Variants in ZNF891 observed in about 807,000 individuals in gnomAD.
ZNF891 encodes hCG1646157.
For synonymous variants in ZNF891, 199 were observed against 209.0 expected (o/e 0.95, Z 0.41); for missense variants, 589 against 632.7 (o/e 0.93, Z 0.74).
At position 133,118,658 on chromosome 12, in the gene ZNF891, TC is replaced by T. The variant is rs1441384921; in HGVS notation, c.*1625del. 2.0e-5 allele frequency: 3 copies of T among 152,206 alleles called. No individual in the cohort carries two copies. Among genetic ancestry groups the T allele is most frequent in the Admixed American group, 2.0e-4 (3 of 15,268 alleles). The allele number at this position is 152,206 out of a possible 1,614,324, so 9.4% of individuals were successfully genotyped here. ...TACTTAGCATTTAAAATTGGTAACT[TC>T]CCCTCTGTCTGAAAACTTTCTGTAG... On this transcript the variant is annotated 3_prime_UTR_variant, in exon 2 of 2. Coordinates refer to ENST00000537226, the MANE Select transcript of ZNF891 (RefSeq NM_001277291.2).
chr12:133,121,939 C>T lies in ZNF891; in HGVS notation c.-21G>A, dbSNP rs1229026081. ...GCCATTTTATGAGTACATAAGCCTGCACAGTAGAGTAGAGAGATCAGGATG... is the reference window on the plus strand; with the variant it reads ...GCCATTTTATGAGTACATAAGCCTGTACAGTAGAGTAGAGAGATCAGGATG... On this transcript the variant is annotated 5_prime_UTR_variant, in exon 2 of 2. Coordinates refer to ENST00000537226, the MANE Select transcript of ZNF891 (RefSeq NM_001277291.2). The T allele has an allele frequency of 1.3e-6, 2 of 1,515,666 alleles. No homozygotes were observed. Among genetic ancestry groups the T allele is most frequent in the Non-Finnish European group, 1.8e-6 (2 of 1,136,434 alleles). 93.9% of individuals were successfully genotyped at this position (1,515,666 alleles called of 1,614,324 possible).
In ZNF891 at chr12:133,118,288, C is replaced by T. The variant is rs2137615798; in HGVS notation, c.*1996G>A. The T allele has an allele frequency of 6.6e-6, 1 of 152,304 alleles. No homozygotes were observed. The highest frequency in any genetic ancestry group is 2.4e-5 in the African/African-American group (1 of 41,552). The allele number at this position is 152,304 out of a possible 1,614,324, so 9.4% of individuals were successfully genotyped here. ...TTGTTTGTCTTGGTTCAGTGAAACT[C>T]CACTCTTCTTGTTTTCCTCTTATCT... On this transcript the variant is annotated 3_prime_UTR_variant, in exon 2 of 2. Coordinates refer to ENST00000537226, the MANE Select transcript of ZNF891 (RefSeq NM_001277291.2).
Position 133,130,258 on chromosome 12 carries a change from G to C in ZNF891, c.-138C>G, listed in dbSNP as rs940901522. 6.6e-6 allele frequency: 1 copy of C among 152,484 alleles called. No homozygotes were observed. Among genetic ancestry groups the C allele is most frequent in the Non-Finnish European group, 1.5e-5 (1 of 68,266 alleles). 9.4% of individuals were successfully genotyped at this position (152,484 alleles called of 1,614,324 possible). A position where few individuals can be genotyped will look rare whatever the true frequency, so the allele number is the denominator to read the frequency against. On this transcript the variant is annotated 5_prime_UTR_variant, in exon 1 of 2. Coordinates refer to ENST00000537226, the MANE Select transcript of ZNF891 (RefSeq NM_001277291.2). ...TCAGTGCCTGCCTCCAGGCGTCCGC[G>C]GTCCCGCCCGAGGGGGACGCGAGGC...
At chr12:133,128,937 A>G (rs1955846209) in intron 1 of ZNF891, among the ~76,000 whole-genome samples, 1 of 152,080 alleles carries the variant, frequency 6.6e-6, no homozygotes, top group Non-Finnish European at 1.5e-5. Context: ...TACATTTTTG[A>G]AAAGACTATG....
rs1465201612 is a variant in ZNF891, at chr12:133,115,948, T to C, written c.*4336A>G. The C allele has an allele frequency of 2.0e-5, 3 of 152,190 alleles. No homozygotes were observed. The highest frequency in any genetic ancestry group is 2.9e-5 in the Non-Finnish European group (2 of 68,028). 9.4% of individuals were successfully genotyped at this position (152,190 alleles called of 1,614,324 possible). ...ACATCGGCGCACAAGGTTTCAGGTT[T>C]TGGAGCATTCTGAATTTCAGATTTT... On this transcript the variant is annotated 3_prime_UTR_variant, in exon 2 of 2. Transcript: ENST00000537226.
chr12:133,123,614 G>C (rs1156317790), intron 1 of ZNF891, among the ~76,000 whole-genome samples: 1 of 151,874 alleles, frequency 6.6e-6, no homozygotes, highest in Non-Finnish European at 1.5e-5. Flanking sequence ...AGGCTGAGAT[G>C]GGAGGATCAC....
At position 133,105,033 on chromosome 12, in the gene ZNF891, G is replaced by A. The variant is rs1265914619; in HGVS notation, c.*15251C>T. Among the ~76,000 whole-genome samples, 1 of 152,126 alleles carries A rather than the reference G, an allele frequency of 6.6e-6. No individual in the cohort carries two copies. Among genetic ancestry groups the A allele is most frequent in the Non-Finnish European group, 1.5e-5 (1 of 68,032 alleles). On this transcript the variant is annotated 3_prime_UTR_variant, in exon 2 of 2. Transcript: ENST00000537226. ...TACTAGTTCAGAAGGTAGAGTTGGAGGATCATAGGCAAGTTTTCAGAGAAA... is the reference window on the plus strand; with the variant it reads ...TACTAGTTCAGAAGGTAGAGTTGGAAGATCATAGGCAAGTTTTCAGAGAAA...
Position 133,121,233 on chromosome 12 carries a change from TTG to T in ZNF891, c.684_685del (p.His228GlnfsTer14). On this transcript the variant is annotated frameshift_variant, in exon 2 of 2. Transcript: ENST00000537226. LOFTEE classifies it low-confidence loss of function (END_TRUNC). ...TTTCACATAATTGTTTATGATTGAA[TTG>T]TGTTTCAAACATCCAATCTCTGAGT... The T allele has an allele frequency of 6.5e-7, 1 of 1,535,526 alleles. No individual in the cohort carries two copies. Among genetic ancestry groups the T allele is most frequent in the Non-Finnish European group, 8.7e-7 (1 of 1,146,744 alleles).
rs184188224 is a variant in ZNF891 at position 133,121,017 on chromosome 12, G to A, written c.902C>T (p.Thr301Met). ...CTTAAGGGATGATTGATGACACAGC[G>A]TTTCATCTTTATTACATTCACAGGC... ...QNACECNKDE[T>M]LCHQSSLKKQ... The change falls in exon 2 of 2, where the codon ACG (threonine) becomes ATG (methionine). Residue 301 changes from threonine to methionine, a missense_variant. By Grantham distance (81) the Thr-to-Met change is moderately conservative. Transcript: ENST00000537226. 371 of 1,535,606 alleles carry A rather than the reference G, an allele frequency of 2.4e-4. 5 individuals carry two copies. Among genetic ancestry groups the A allele is most frequent in the South Asian group, 2.4e-3 (198 of 84,062 alleles).
rs957364009 is a variant in ZNF891, at chr12:133,120,624, T to C, written c.1295A>G (p.Tyr432Cys). Reference sequence around the variant, plus strand: ...GGCTTTTCCACACTCACTGCATTCATAGAGTTTTTCTCCAGTGTGTATTCT... The same window carrying C: ...GGCTTTTCCACACTCACTGCATTCACAGAGTTTTTCTCCAGTGTGTATTCT... Reference protein sequence around the residue: ...HKRIHTGEKLYECSECGKAFN... With the variant: ...HKRIHTGEKLCECSECGKAFN... The change falls in exon 2 of 2, where the codon TAT becomes TGT. Residue 432 changes from tyrosine (Y) to cysteine (C), a missense_variant. Transcript: ENST00000537226. 1.4e-5 allele frequency: 22 copies of C among 1,560,380 alleles called. 1 individual carries two copies. In the African/African-American group the frequency reaches 1.8e-4, roughly 13 times the overall value.
At chr12:133,129,681 G>A (rs1473946547) in intron 1 of ZNF891, among the ~76,000 whole-genome samples, 1 of 152,094 alleles carries the variant, frequency 6.6e-6, no homozygotes, top group East Asian at 1.9e-4. Context: ...AATCTTGTTA[G>A]TATAACGGGC....
Position 133,106,242 on chromosome 12 carries a change from T to A in ZNF891, c.*14042A>T, listed in dbSNP as rs1955589059. 6.2e-7 allele frequency: 1 copy of A among 1,614,018 alleles called. No individual in the cohort carries two copies. The highest frequency in any genetic ancestry group is 1.7e-5 in the Admixed American group (1 of 60,002). ...TCACACCTTACTCGACATCAGAGCA[T>A]CCATACAACCAAAACCCCGTATGAA... On this transcript the variant is annotated 3_prime_UTR_variant, in exon 2 of 2. Coordinates refer to ENST00000537226, the MANE Select transcript of ZNF891 (RefSeq NM_001277291.2).
intron 1 of ZNF891, among the ~76,000 whole-genome samples, chr12:133,127,063 T>G (rs1307542732): frequency 6.8e-6 from 1 of 147,428 alleles, no homozygotes; most frequent in Non-Finnish European, 1.5e-5. Context: ...CTCCCGGGTT[T>G]AAGCAATTCT....
At position 133,105,981 on chromosome 12, in the gene ZNF891, A is replaced by G. The variant is rs1282219192; in HGVS notation, c.*14303T>C. The G allele has an allele frequency of 6.2e-7, 1 of 1,614,016 alleles. No homozygotes were observed. The highest frequency in any genetic ancestry group is 1.3e-5 in the African/African-American group (1 of 74,944). ...AGTTACCTTTCATTTCTTATTGAAC[A>G]CCAGAGAACGCACACTGGGGAGAAA... On this transcript the variant is annotated 3_prime_UTR_variant, in exon 2 of 2. Transcript: ENST00000537226.
In ZNF891 at chr12:133,105,617, T is replaced by A. The variant is rs574113957; in HGVS notation, c.*14667A>T. On this transcript the variant is annotated 3_prime_UTR_variant, in exon 2 of 2. Coordinates refer to ENST00000537226, the MANE Select transcript of ZNF891 (RefSeq NM_001277291.2). ...AAGAATTCTAAGTCAAGGCCCTGTGTATTCCAGTTTTAAAGGAGGCTGGAA... is the reference window on the plus strand; with the variant it reads ...AAGAATTCTAAGTCAAGGCCCTGTGAATTCCAGTTTTAAAGGAGGCTGGAA... 8 of 1,614,186 alleles carry A rather than the reference T, an allele frequency of 5.0e-6. 1 individual carries two copies. In the Admixed American group the frequency reaches 1.2e-4, roughly 24 times the overall value.
At position 133,108,729 on chromosome 12, in the gene ZNF891, TACAAAC is replaced by T. The variant is rs1041137997; in HGVS notation, c.*11549_*11554del. The stretch of plus-strand genomic sequence containing the variant: ...AGCAATCTCCAATTAACCAAAGTGA[TACAAAC>T]ACAGTGATTTGGGAATGCCTTCAAT... On this transcript the variant is annotated 3_prime_UTR_variant, in exon 2 of 2. Transcript: ENST00000537226. 1 of 152,232 alleles carries T rather than the reference TACAAAC, an allele frequency of 6.6e-6. No individual in the cohort carries two copies. The highest frequency in any genetic ancestry group is 2.4e-5 in the African/African-American group (1 of 41,468). 9.4% of individuals were successfully genotyped at this position (152,232 alleles called of 1,614,324 possible). A position where few individuals can be genotyped will look rare whatever the true frequency, so the allele number is the denominator to read the frequency against.
rs746045799 is a variant in ZNF891 at position 133,104,874 on chromosome 12, G to A, written c.*15410C>T. On this transcript the variant is annotated 3_prime_UTR_variant, in exon 2 of 2. Transcript: ENST00000537226. ...GCAAATTGTGTGTCATGGGGGTTTG[G>A]TGTGCAGATAATTTTGTCACCCAGG... Among the ~76,000 whole-genome samples the A allele has an allele frequency of 6.6e-6, 1 of 152,126 alleles. No homozygotes were observed. Among genetic ancestry groups the A allele is most frequent in the Non-Finnish European group, 1.5e-5 (1 of 68,012 alleles).
rs1185846995 is a variant in ZNF891, at chr12:133,120,178, G to C, written c.*106C>G. ...TACAGAAAATGTTATATTAAAAAAA[G>C]AGCCATTTGTAACCTTAAATCGTTC... On this transcript the variant is annotated 3_prime_UTR_variant, in exon 2 of 2. Transcript: ENST00000537226. 4 of 844,420 alleles carry C rather than the reference G, an allele frequency of 4.7e-6. No homozygotes were observed. The highest frequency in any genetic ancestry group is 3.4e-5 in the African/African-American group (2 of 58,528). The allele number at this position is 844,420 out of a possible 1,614,324, so 52.3% of individuals were successfully genotyped here. A position where few individuals can be genotyped will look rare whatever the true frequency, so the allele number is the denominator to read the frequency against.
rs1270477502 is a variant in ZNF891 at position 133,105,795 on chromosome 12, G to A, written c.*14489C>T. ...GAATGTGGAAAAACTTTTGGTCGAC[G>A]CTTTTCCCTGGTGTTACACCAGAGG... On this transcript the variant is annotated 3_prime_UTR_variant, in exon 2 of 2. Transcript: ENST00000537226. 11 of 1,614,018 alleles carry A rather than the reference G, an allele frequency of 6.8e-6. No individual in the cohort carries two copies. Among genetic ancestry groups the A allele is most frequent in the Admixed American group, 1.7e-5 (1 of 60,002 alleles).
Sources: allele counts gnomAD v4.1 joint callset (sites outside exome capture counted in the v4.1 genomes callset), GRCh38; gene constraint gnomAD v4.1.1; transcripts MANE v1.5; gene names NCBI Gene and HGNC (gene_info 2026-07-23, HGNC 2026-07-21).